NASP: variants seen among roughly 807,000 people sequenced by gnomAD.
NASP encodes the protein nuclear autoantigenic sperm protein.
A neutral mutation model predicts 89.5 loss-of-function variants in NASP; 24 were observed. The observed-to-expected ratio is 0.27, with a 90% CI of 0.19 to 0.38. The LOEUF (loss-of-function observed/expected upper bound fraction) is 0.38. Ranked by LOEUF, NASP falls within the 10% of genes least tolerant of loss-of-function variation. NASP has a pLI of 1.00. For missense variants in NASP, 848 were observed against 921.4 expected, an observed-to-expected ratio of 0.92 and a Z score of 1.03; for synonymous variants, 306 against 324.7, an observed-to-expected ratio of 0.94 and a Z score of 0.62.
chr1:45,589,697 C>T (rs562629211), intron 1 of NASP, among the ~76,000 whole-genome samples: 4 of 151,992 alleles, frequency 2.6e-5, no homozygotes, highest in African/African-American at 9.7e-5. Flanking sequence ...GTCAGGAGCT[C>T]GAGACCAGAC....
At position 45,614,303 on chromosome 1, in the gene NASP, A is replaced by G; in HGVS notation, c.1603A>G (p.Lys535Glu). ...TTTTCCTTCTTTTAGGCAAGAAACA[A>G]AAGAAGCACAGCTTTATGCTGCCCA... The part of the protein sequence containing the change: ...AKIIFKRQET[K>E]EAQLYAAQAH... The change falls in exon 9 of 15, where the codon AAA becomes GAA. Residue 535 changes from lysine (K) to glutamate (E), a missense_variant. Lys to Glu is a moderately conservative substitution (Grantham distance 56). Coordinates refer to ENST00000350030, the MANE Select transcript of NASP (RefSeq NM_002482.4). The G allele has an allele frequency of 6.2e-7, 1 of 1,614,092 alleles. No homozygotes were observed. Among genetic ancestry groups the G allele is most frequent in the Non-Finnish European group, 8.5e-7 (1 of 1,179,896 alleles).
chr1:45,599,833 A>G (rs1643792405), intron 2 of NASP, among the ~76,000 whole-genome samples: 1 of 151,910 alleles, frequency 6.6e-6, no homozygotes, highest in South Asian at 2.1e-4. Context: ...TTTATTTCCC[A>G]TAATTCTTCC....
chr1:45,596,005 C>G (rs866589992), intron 2 of NASP, among the ~76,000 whole-genome samples: 10 of 152,166 alleles, frequency 6.6e-5, no homozygotes, highest in Admixed American at 3.3e-4. Flanking sequence ...GAATGACCAA[C>G]AGACAAACTT....
intron 2 of NASP, among the ~76,000 whole-genome samples, chr1:45,593,050 C>T (rs935420435): frequency 1.3e-5 from 2 of 152,124 alleles, no homozygotes; most frequent in Admixed American, 6.6e-5. Context: ...GTTTATAGCA[C>T]TCTGTTTTTA....
In NASP at chr1:45,586,286, T is replaced by TG. The variant is rs1239048389; in HGVS notation, c.59+2082dup. 4.8e-3 allele frequency among the ~76,000 whole-genome samples: 423 copies of TG among 88,198 alleles called. 2 individuals carry two copies. Among genetic ancestry groups the TG allele is most frequent in the Non-Finnish European group, 7.1e-3 (325 of 45,838 alleles). The allele number at this position is 88,198 out of a possible 152,430, so 57.9% of individuals were successfully genotyped here. The stretch of plus-strand genomic sequence containing the variant: ...TGTGTGTGTGTGTGTGTGTGTGTGG[T>TG]GTGTGTGTGTGTGTGTGTGTGTGGT... On this transcript the variant is annotated intron_variant, in intron 1 of 14. Coordinates refer to ENST00000350030, the MANE Select transcript of NASP (RefSeq NM_002482.4).
At chr1:45,600,509 G>T in intron 2 of NASP, 1 of 1,058,900 alleles carries the variant, frequency 9.4e-7, no homozygotes, top group South Asian at 2.1e-5. Flanking sequence ...TAATTATTTT[G>T]AGATTCATCC....
chr1:45,617,654 C>G (rs186259136), intron 14 of NASP, 63 bp downstream of exon 14: 3 of 1,509,914 alleles, frequency 2.0e-6, no homozygotes, highest in Admixed American at 4.7e-5. Context: ...CTGGGGAAAT[C>G]AGTCCTCTCA....
rs1371305241 is a variant in NASP, at chr1:45,602,379, A to G, written c.218+14A>G. On this transcript the variant is annotated intron_variant, in intron 3 of 14. Coordinates refer to ENST00000350030, the MANE Select transcript of NASP (RefSeq NM_002482.4). ...AGCTAGTCTTTTGTAAGTATTGTATATTTTGCTATGATGTAATATTATGTT... is the reference window on the plus strand; with the variant it reads ...AGCTAGTCTTTTGTAAGTATTGTATGTTTTGCTATGATGTAATATTATGTT... The G allele has an allele frequency of 6.2e-7, 1 of 1,606,854 alleles. No individual in the cohort carries two copies. Among genetic ancestry groups the G allele is most frequent in the African/African-American group, 1.3e-5 (1 of 74,600 alleles).
At chr1:45,608,620 T>C (rs1475243067) in intron 6 of NASP, among the ~76,000 whole-genome samples, 1 of 152,032 alleles carries the variant, frequency 6.6e-6, no homozygotes, top group Non-Finnish European at 1.5e-5. Flanking sequence ...AGTAACTTGT[T>C]GCAGCATACT....
At chr1:45,604,886 G>A (rs752578409) in intron 3 of NASP, 50 bp from the exon 4 acceptor site, 5 of 1,363,148 alleles carry the variant, frequency 3.7e-6, no homozygotes, top group Non-Finnish European at 5.2e-6. Context: ...AGAACTAAAT[G>A]TTTTAGATTA....
At chr1:45,606,433 T>A (rs750004584) in intron 4 of NASP, 49 bp from the exon 5 acceptor site, 2 of 1,335,362 alleles carry the variant, frequency 1.5e-6, no homozygotes, top group Admixed American at 3.6e-5. Context: ...TAGAAAAAAT[T>A]GCTAGGTTCT....
intron 3 of NASP, among the ~76,000 whole-genome samples, chr1:45,602,587 A>G (rs1487742899): frequency 3.9e-5 from 6 of 152,116 alleles, no homozygotes; most frequent in African/African-American, 1.2e-4. Flanking sequence ...TCCAGTCACT[A>G]CTAATTTGGG....
chr1:45,584,192 G>A lies in NASP; in HGVS notation c.46G>A (p.Val16Ile), dbSNP rs1644491909. ...TATAAVAAEL[V>I]SADKIEDVPA... ...CACTGCCGCCGTCGCCGCGGAGCTG[G>A]TTTCTGCCGACAAGTAAGCGGGACT... The change falls in exon 1 of 15, where the codon GTT (valine) becomes ATT (isoleucine). Residue 16 changes from valine to isoleucine, a missense_variant. This residue lies in a region of NASP where 89 missense variants were observed against 79.2 expected (regional missense o/e 1.12). Coordinates refer to ENST00000350030, the MANE Select transcript of NASP (RefSeq NM_002482.4). 1.9e-6 allele frequency: 3 copies of A among 1,593,494 alleles called. No individual in the cohort carries two copies. The highest frequency in any genetic ancestry group is 3.5e-5 in the Admixed American group (2 of 56,788).
intron 2 of NASP, among the ~76,000 whole-genome samples, chr1:45,593,862 A>G (rs904270801): frequency 6.6e-6 from 1 of 151,712 alleles, no homozygotes; most frequent in Admixed American, 6.6e-5. Flanking sequence ...GTACAAAAAA[A>G]AAAAATTTTT....
rs902522063 is a variant in NASP, at chr1:45,587,199, T to G, written c.59+2994T>G. Among the ~76,000 whole-genome samples the G allele has an allele frequency of 6.7e-5, 10 of 148,504 alleles. No individual in the cohort carries two copies. The East Asian group carries it at 8.0e-4, about 12-fold the overall frequency. Reference sequence around the variant, plus strand: ...GTTCTTAGTTGGTTTTTTTTTGTTGTTTTTTTTTTGAGAGGGAGTTTTGTC... The same window carrying G: ...GTTCTTAGTTGGTTTTTTTTTGTTGGTTTTTTTTTGAGAGGGAGTTTTGTC... On this transcript the variant is annotated intron_variant, in intron 1 of 14. Coordinates refer to ENST00000350030, the MANE Select transcript of NASP (RefSeq NM_002482.4).
rs1038095838 is a variant in NASP, at chr1:45,616,642, C to T, written c.2096C>T (p.Pro699Leu). 6.8e-6 allele frequency: 11 copies of T among 1,614,004 alleles called. No individual in the cohort carries two copies. The African/African-American group carries it at 9.3e-5, about 14-fold the overall frequency. The change falls in exon 13 of 15, where the codon CCA becomes CTA. Residue 699 changes from proline to leucine, a missense_variant. Physicochemically the swap from Pro to Leu is moderately conservative, Grantham distance 98. This residue lies in a region of NASP where 218 missense variants were observed against 219.6 expected (regional missense o/e 0.99). Coordinates refer to ENST00000350030, the MANE Select transcript of NASP (RefSeq NM_002482.4). ...TTTTGCCAGATTGCCAGTAGAAAGC[C>T]AACAGACGGTGCTTCCTCATCAAAT... Reference protein sequence around the residue: ...SSVSMIASRKPTDGASSSNCV... With the variant: ...SSVSMIASRKLTDGASSSNCV...
chr1:45,600,071 C>G (rs1432340837), intron 2 of NASP, among the ~76,000 whole-genome samples: 1 of 150,440 alleles, frequency 6.6e-6, no homozygotes, highest in Non-Finnish European at 1.5e-5. Flanking sequence ...TTGTGCCCAG[C>G]AATATCAGGT....
At chr1:45,587,091 C>T (rs1381185462) in intron 1 of NASP, among the ~76,000 whole-genome samples, 1 of 152,182 alleles carries the variant, frequency 6.6e-6, no homozygotes, top group African/African-American at 2.4e-5. Flanking sequence ...GCTTTTGTCC[C>T]CTCGTGCCAT....
chr1:45,584,422 C>T (rs531758321), intron 1 of NASP, among the ~76,000 whole-genome samples: 166 of 152,340 alleles, frequency 1.1e-3, no homozygotes, highest in African/African-American at 3.7e-3. Context: ...CCCCCTGCCC[C>T]GCTTTTCGCG....
Sources: allele counts gnomAD v4.1 joint callset (sites outside exome capture counted in the v4.1 genomes callset), GRCh38; gene constraint gnomAD v4.1.1; regional missense constraint gnomAD v4.1.1; transcripts MANE v1.5; gene names NCBI Gene and HGNC (gene_info 2026-07-23, HGNC 2026-07-21).